The following FLACC1 variants were observed in gnomAD, a reference collection of about 807,000 sequenced individuals.
The protein encoded by FLACC1 is flagellum associated containing coiled-coil domains 1, also known as flagellum-associated coiled-coil domain-containing protein 1.
A neutral mutation model predicts 62.8 loss-of-function variants in FLACC1; 66 were observed. The ratio of observed to expected loss-of-function variants is 1.05; its 90% confidence interval spans 0.86 to 1.29. FLACC1 has a LOEUF of 1.29. FLACC1 is among the 50% of genes most tolerant of loss of function. The probability of loss-of-function intolerance (pLI) is 0.00; values close to 1 mark genes in which losing one functional copy is unlikely to be tolerated. For missense variants in FLACC1, 452 were observed against 489.1 expected (o/e 0.92, Z 0.71); for synonymous variants, 156 against 161.0 (o/e 0.97, Z 0.24).
chr2:201,329,575 A>C (rs141030080), intron 9 of FLACC1, among the ~76,000 whole-genome samples: 339 of 152,374 alleles, frequency 2.2e-3, no homozygotes, highest in African/African-American at 7.8e-3. Context: ...GGATAAACAA[A>C]ATGTGGTACA....
intron 11 of FLACC1, among the ~76,000 whole-genome samples, chr2:201,303,053 T>G (rs985718676): frequency 2.0e-5 from 3 of 151,858 alleles, no homozygotes; most frequent in Admixed American, 1.3e-4. Context: ...ATTCAAAAGC[T>G]AGCAGAAGGC....
At chr2:201,300,888 A>C (rs552677629) in intron 11 of FLACC1, among the ~76,000 whole-genome samples, 5 of 152,336 alleles carry the variant, frequency 3.3e-5, no homozygotes, top group African/African-American at 1.2e-4. Context: ...AAAACTAACA[A>C]ACAGAAAGGA....
intron 12 of FLACC1, among the ~76,000 whole-genome samples, chr2:201,290,996 T>G (rs1241840960): frequency 6.6e-6 from 1 of 152,128 alleles, no homozygotes; most frequent in Non-Finnish European, 1.5e-5. Flanking sequence ...CGCCCACCAT[T>G]GCTGAGGATT....
At chr2:201,303,547 GAA>G (rs1392745647) in intron 11 of FLACC1, among the ~76,000 whole-genome samples, 1 of 152,202 alleles carries the variant, frequency 6.6e-6, no homozygotes, top group Middle Eastern at 3.2e-3. Context: ...GCAATCAATA[GAA>G]AAAGAGGGAA....
At chr2:201,331,825 C>T (rs941517057) in intron 7 of FLACC1, among the ~76,000 whole-genome samples, 2 of 152,086 alleles carry the variant, frequency 1.3e-5, no homozygotes, top group Non-Finnish European at 2.9e-5. Flanking sequence ...ATGTACAGTA[C>T]CAAGAGTGAA....
chr2:201,292,306 C>G (rs984939765), intron 12 of FLACC1, among the ~76,000 whole-genome samples: 43 of 152,302 alleles, frequency 2.8e-4, no homozygotes, highest in African/African-American at 9.6e-4. Context: ...AAGGGAAGCC[C>G]ATCAGACTAA....
intron 7 of FLACC1, among the ~76,000 whole-genome samples, chr2:201,335,965 T>TTAGA (rs1300838320): frequency 6.6e-6 from 1 of 152,236 alleles, no homozygotes; most frequent in Non-Finnish European, 1.5e-5. Context: ...AATTTCTTTT[T>TTAGA]TAGATAGTAT....
In FLACC1 at chr2:201,351,448, C is replaced by G; in HGVS notation, c.-44G>C. 7 of 1,446,078 alleles carry G rather than the reference C, an allele frequency of 4.8e-6. No individual in the cohort carries two copies. The highest frequency in any genetic ancestry group is 6.8e-6 in the Non-Finnish European group (7 of 1,033,974). 89.6% of individuals were successfully genotyped at this position (1,446,078 alleles called of 1,614,324 possible). ...GTCTTGGCTGCTAGATCAGGAGGCT[C>G]TTGCTGAAATTGAAAAACAACAGCA... On this transcript the variant is annotated 5_prime_UTR_variant, in exon 2 of 15. Coordinates refer to ENST00000392257, the MANE Select transcript of FLACC1 (RefSeq NM_001127391.3).
intron 1 of FLACC1, chr2:201,352,231 C>G (rs1436646447): frequency 6.6e-6 from 1 of 152,130 alleles, no homozygotes; most frequent in East Asian, 1.9e-4. Context: ...ACAGAACTTC[C>G]TGGAAAATTA....
intron 7 of FLACC1, among the ~76,000 whole-genome samples, chr2:201,333,695 G>A (rs568986753): frequency 4.7e-4 from 71 of 152,012 alleles, no homozygotes; most frequent in African/African-American, 1.7e-3. Context: ...GAGAATGATG[G>A]TTTCCAGCTT....
chr2:201,307,669 G>A, intron 10 of FLACC1, 47 bp from the exon 11 acceptor site: 1 of 1,381,608 alleles, frequency 7.2e-7, no homozygotes, highest in Non-Finnish European at 1.0e-6. Context: ...GATGGGAAAA[G>A]CAGGTGCAAT....
intron 12 of FLACC1, among the ~76,000 whole-genome samples, chr2:201,292,016 T>TG (rs1949747808): frequency 6.6e-6 from 1 of 152,060 alleles, no homozygotes; most frequent in African/African-American, 2.4e-5. Context: ...CCAAGAAATA[T>TG]GGGACTATGT....
chr2:201,346,461 C>A lies in FLACC1; in HGVS notation c.368+81G>T, dbSNP rs1050754483. 17 of 1,580,244 alleles carry A rather than the reference C, an allele frequency of 1.1e-5. No individual in the cohort carries two copies. Among genetic ancestry groups the A allele is most frequent in the African/African-American group, 2.7e-5 (2 of 74,632 alleles). On this transcript the variant is annotated intron_variant, in intron 5 of 14. Transcript: ENST00000392257. This position sits in a 1 kb window ranked among gnomAD's most constrained non-coding sequence, Gnocchi z 4.0. ...ACCAGTGGCCTGGGTGTGGGCATAG[C>A]GGCTTTGGCTTGTCCCTGAGGCCGG...
intron 12 of FLACC1, among the ~76,000 whole-genome samples, chr2:201,295,682 G>C (rs1949844258): frequency 6.6e-6 from 1 of 152,120 alleles, no homozygotes; most frequent in Non-Finnish European, 1.5e-5. Context: ...AAACTAAAGA[G>C]CTTTTGCACA....
chr2:201,303,967 A>G (rs1950046717), intron 11 of FLACC1, among the ~76,000 whole-genome samples: 1 of 152,232 alleles, frequency 6.6e-6, no homozygotes, highest in African/African-American at 2.4e-5. Flanking sequence ...ACCCACAGCC[A>G]ATATCATACT....
intron 11 of FLACC1, among the ~76,000 whole-genome samples, chr2:201,304,359 G>C (rs1950055692): frequency 6.6e-6 from 1 of 151,910 alleles, no homozygotes; most frequent in Admixed American, 6.6e-5. Flanking sequence ...AAATACCTAG[G>C]AATCCAACTT....
At chr2:201,296,950 G>T (rs540770898) in intron 12 of FLACC1, among the ~76,000 whole-genome samples, 2 of 151,732 alleles carry the variant, frequency 1.3e-5, no homozygotes, top group Non-Finnish European at 2.9e-5. Flanking sequence ...GTGTAGGTGA[G>T]AAATAATGGA....
chr2:201,343,436 C>T (rs565483888), intron 6 of FLACC1, among the ~76,000 whole-genome samples: 107 of 152,162 alleles, frequency 7.0e-4, no homozygotes, highest in African/African-American at 2.1e-3. Flanking sequence ...AGTTGGCAGG[C>T]GGAGGAGGGT....
intron 9 of FLACC1, among the ~76,000 whole-genome samples, chr2:201,323,882 C>T (rs1057100737): frequency 1.4e-4 from 20 of 147,672 alleles, no homozygotes; most frequent in Admixed American, 2.7e-4. Flanking sequence ...AAGCCAAATA[C>T]GCACCAAAAT....
Sources: allele counts gnomAD v4.1 joint callset (sites outside exome capture counted in the v4.1 genomes callset), GRCh38; gene constraint gnomAD v4.1.1; non-coding constraint Gnocchi (gnomAD v3.1); transcripts MANE v1.5; gene names NCBI Gene and HGNC (gene_info 2026-07-23, HGNC 2026-07-21).